MYT1L: variants seen among roughly 807,000 people sequenced by gnomAD.
MYT1L encodes the protein myelin transcription factor 1 like, also known as myelin transcription factor 1-like protein.
In MYT1L, 12 loss-of-function variants were observed where a neutral mutation model predicts 126.7. That is an observed-to-expected ratio of 0.09 (90% CI 0.06 to 0.15). MYT1L has a LOEUF of 0.15. MYT1L is among the 10% of genes least tolerant of loss of function. The pLI is 1.00. For missense variants in MYT1L, 979 were observed against 1,585.2 expected (o/e 0.62, Z 6.49); for synonymous variants, 541 against 604.2 (o/e 0.90, Z 1.53).
rs540319140 is a variant in MYT1L, at chr2:1,838,483, G to A, written c.3080+666C>T. On this transcript the variant is annotated intron_variant, in intron 21 of 24. Transcript: ENST00000647738. Reference sequence around the variant, plus strand: ...CCCCAAAGGGTATGGCCTTCACATCGTACATGTGATGTGTGTATCTTCCCC... The same window carrying A: ...CCCCAAAGGGTATGGCCTTCACATCATACATGTGATGTGTGTATCTTCCCC... Among the ~76,000 whole-genome samples, 5 of 152,214 alleles carry A rather than the reference G, an allele frequency of 3.3e-5. No individual in the cohort carries two copies. In the South Asian group the frequency reaches 6.2e-4, roughly 19 times the overall value.
rs1299857632 is a variant in MYT1L, at chr2:1,892,030, C to T, written c.2283+7G>A. The T allele has an allele frequency of 4.6e-6, 7 of 1,517,520 alleles. No homozygotes were observed. In the Admixed American group the frequency reaches 1.2e-4, roughly 26 times the overall value. 94.0% of individuals were successfully genotyped at this position (1,517,520 alleles called of 1,614,324 possible). A position where few individuals can be genotyped will look rare whatever the true frequency, so the allele number is the denominator to read the frequency against. On this transcript the variant is annotated splice_region_variant and intron_variant, in intron 15 of 24. Transcript: ENST00000647738. ...CCAGGTGGCTCCACCTGCCCAGGCGCGCGTACCCGCGTGGCGCACAGGTCC... is the reference window on the plus strand; with the variant it reads ...CCAGGTGGCTCCACCTGCCCAGGCGTGCGTACCCGCGTGGCGCACAGGTCC...
At chr2:1,944,694 T>C (rs1168622000) in intron 8 of MYT1L, among the ~76,000 whole-genome samples, 1 of 152,174 alleles carries the variant, frequency 6.6e-6, no homozygotes, top group East Asian at 1.9e-4. Context: ...AGTTCAGAGA[T>C]GAGTGGCACA....
chr2:1,999,436 G>A (rs2062158939), intron 4 of MYT1L, among the ~76,000 whole-genome samples: 1 of 152,134 alleles, frequency 6.6e-6, no homozygotes, highest in Non-Finnish European at 1.5e-5. Flanking sequence ...TGGAGAGAAA[G>A]AATAGACAGA....
At chr2:2,271,693 C>T (rs941059394) in intron 2 of MYT1L, among the ~76,000 whole-genome samples, 3 of 152,198 alleles carry the variant, frequency 2.0e-5, no homozygotes, top group African/African-American at 7.2e-5. Context: ...TGGTTTCTAG[C>T]GAGGGCCTGC....
At chr2:1,835,691 C>A (rs977823829) in intron 21 of MYT1L, among the ~76,000 whole-genome samples, 4 of 152,192 alleles carry the variant, frequency 2.6e-5, no homozygotes, top group African/African-American at 9.7e-5. Flanking sequence ...GGCTGCTGGT[C>A]ACCGGGCAAA....
intron 2 of MYT1L, among the ~76,000 whole-genome samples, chr2:2,271,734 T>G (rs2095267327): frequency 6.6e-6 from 1 of 152,212 alleles, no homozygotes; most frequent in Non-Finnish European, 1.5e-5. Flanking sequence ...ACACTCGCCC[T>G]GTCCTCACTC....
At chr2:2,196,165 C>T (rs923109965) in intron 2 of MYT1L, among the ~76,000 whole-genome samples, 1 of 151,824 alleles carries the variant, frequency 6.6e-6, no homozygotes, top group African/African-American at 2.4e-5. Flanking sequence ...TTACTGACAG[C>T]TCATTTCTCA....
chr2:2,098,998 C>A lies in MYT1L; in HGVS notation c.-303-44875G>T, dbSNP rs559813076. Among the ~76,000 whole-genome samples the A allele has an allele frequency of 3.9e-5, 6 of 152,276 alleles. No homozygotes were observed. In the East Asian group the frequency reaches 9.7e-4, roughly 25 times the overall value. ...TTGGATCCACAGGAAGCAAGCCCAG[C>A]CCAGCACGGAGCACAGAATGTAGCA... On this transcript the variant is annotated intron_variant, in intron 3 of 24. Coordinates refer to ENST00000647738, the MANE Select transcript of MYT1L (RefSeq NM_001303052.2).
intron 18 of MYT1L, among the ~76,000 whole-genome samples, chr2:1,863,096 A>G (rs2148638246): frequency 6.6e-6 from 1 of 152,218 alleles, no homozygotes; most frequent in African/African-American, 2.4e-5. Context: ...CCCCATGGAG[A>G]TGGTGGTAGC....
chr2:2,275,202 ATGTGTGTGTGTGTG>A (rs10522538), intron 2 of MYT1L, among the ~76,000 whole-genome samples: 11 of 139,452 alleles, frequency 7.9e-5, no homozygotes, highest in East Asian at 4.3e-4. Flanking sequence ...TAATAATAAA[ATGTGTGTGTGTGTG>A]TGTGTGTGTG....
chr2:1,867,738 C>T (rs1465005367), intron 18 of MYT1L, among the ~76,000 whole-genome samples: 3 of 151,992 alleles, frequency 2.0e-5, no homozygotes, highest in Admixed American at 6.6e-5. Flanking sequence ...GAAAGTTTGC[C>T]GATTAGATAT....
chr2:2,064,279 C>G lies in MYT1L; in HGVS notation c.-303-10156G>C, dbSNP rs2070933788. Reference sequence around the variant, plus strand: ...GGTTGAGTTGGAGCCAGCTCAAGACCTAGCTTCAGACCCCCTGAGTACCTT... The same window carrying G: ...GGTTGAGTTGGAGCCAGCTCAAGACGTAGCTTCAGACCCCCTGAGTACCTT... On this transcript the variant is annotated intron_variant, in intron 3 of 24. Transcript: ENST00000647738. Among the ~76,000 whole-genome samples, 15 of 152,194 alleles carry G rather than the reference C, an allele frequency of 9.9e-5. No individual in the cohort carries two copies. The South Asian group carries it at 3.1e-3, about 32-fold the overall frequency.
chr2:1,804,411 C>G (rs940188951), intron 22 of MYT1L, among the ~76,000 whole-genome samples: 4 of 152,102 alleles, frequency 2.6e-5, no homozygotes, highest in Non-Finnish European at 5.9e-5. Context: ...CGTGAGCCAC[C>G]GCGCCCAGCC....
chr2:2,236,533 C>T (rs2094311428), intron 2 of MYT1L, among the ~76,000 whole-genome samples: 1 of 147,204 alleles, frequency 6.8e-6, no homozygotes, highest in Admixed American at 6.7e-5. Context: ...CCAGCACATC[C>T]CAACCCAGCC....
At chr2:2,137,758 A>G (rs1469611191) in intron 3 of MYT1L, among the ~76,000 whole-genome samples, 1 of 152,098 alleles carries the variant, frequency 6.6e-6, no homozygotes, top group Admixed American at 6.5e-5. Context: ...CCTAGGCACT[A>G]CCATTCAGAA....
intron 3 of MYT1L, among the ~76,000 whole-genome samples, chr2:2,063,351 G>C (rs2070784895): frequency 1.3e-5 from 2 of 152,044 alleles, no homozygotes; most frequent in Admixed American, 1.3e-4. Flanking sequence ...AACATCTAGA[G>C]ATCTTCATTA....
At chr2:1,816,662 G>C (rs1194141057) in intron 21 of MYT1L, 1 of 152,770 alleles carries the variant, frequency 6.5e-6, no homozygotes, top group South Asian at 2.1e-4. Context: ...CATGGTGCAC[G>C]TTGGCTGCTT....
At chr2:1,799,687 T>G (rs142115633) in intron 23 of MYT1L, among the ~76,000 whole-genome samples, 1 of 152,326 alleles carries the variant, frequency 6.6e-6, no homozygotes, top group East Asian at 1.9e-4. Context: ...AAATTAAGAT[T>G]TTCAGGCTTG....
chr2:2,166,739 C>A (rs973617338), intron 3 of MYT1L, among the ~76,000 whole-genome samples: 2 of 152,162 alleles, frequency 1.3e-5, no homozygotes, highest in Non-Finnish European at 2.9e-5. Context: ...AATGAATGAA[C>A]AAGAACAATG....
Sources: gnomAD v4.1 joint callset for allele counts (sites outside exome capture counted in the v4.1 genomes callset) on GRCh38, gnomAD v4.1.1 for gene constraint, MANE v1.5 for transcripts, NCBI Gene and HGNC (gene_info 2026-07-23, HGNC 2026-07-21) for gene names.